The following TRIM71 variants were observed in gnomAD, a reference collection of about 807,000 sequenced individuals.
TRIM71 encodes E3 ubiquitin-protein ligase TRIM71.
TRIM71 carries 9 observed loss-of-function variants against 61.2 expected under a neutral mutation model. That is an observed-to-expected ratio of 0.15 (90% CI 0.09 to 0.26). The LOEUF (loss-of-function observed/expected upper bound fraction) is 0.26. Among genes scored for constraint, TRIM71 ranks in the 10% least tolerant of loss-of-function variants. The probability of loss-of-function intolerance (pLI) is 1.00; values close to 1 mark genes in which losing one functional copy is unlikely to be tolerated. For missense variants in TRIM71, 998 were observed against 1,238.7 expected (o/e 0.81, Z 2.92); for synonymous variants, 645 against 553.2 (o/e 1.17, Z -2.33).
intron 2 of TRIM71, among the ~76,000 whole-genome samples, chr3:32,877,597 G>A (rs976550558): frequency 3.3e-5 from 5 of 151,960 alleles, no homozygotes; most frequent in African/African-American, 9.7e-5. Flanking sequence ...GGCTTCATGC[G>A]ATCTTTCACC....
At chr3:32,841,585 T>A (rs909934557) in intron 1 of TRIM71, among the ~76,000 whole-genome samples, 1 of 152,042 alleles carries the variant, frequency 6.6e-6, no homozygotes, top group Admixed American at 6.6e-5. Flanking sequence ...TTCACTGCAC[T>A]CCAGCGTGGG....
At chr3:32,840,393 A>T (rs1244730154) in intron 1 of TRIM71, among the ~76,000 whole-genome samples, 1 of 152,208 alleles carries the variant, frequency 6.6e-6, no homozygotes, top group Non-Finnish European at 1.5e-5. Context: ...AAGCCAGTAC[A>T]TAACATGAAT....
chr3:32,818,626 C>A lies in TRIM71; in HGVS notation c.546C>A (p.Gly182=). 1 of 1,437,686 alleles carries A rather than the reference C, an allele frequency of 7.0e-7. No individual in the cohort carries two copies. Among genetic ancestry groups the A allele is most frequent in the Non-Finnish European group, 9.1e-7 (1 of 1,103,894 alleles). The allele number at this position is 1,437,686 out of a possible 1,614,324, so 89.1% of individuals were successfully genotyped here. The change falls in exon 1 of 4, where the codon GGC becomes GGA. Residue 182 remains glycine (G), a synonymous_variant. Transcript: ENST00000383763. ...CCGCGCCTTCCCGCTCGGCACCCGG[C>A]GGCCCTGCCGCTTCCCCGTCGGCGC... The part of the protein sequence containing the change: ...QPPAPSRSAP[G]GPAASPSALL...
In TRIM71 at chr3:32,872,246, G is replaced by C. The variant is rs78278754; in HGVS notation, c.853-1572G>C. The stretch of plus-strand genomic sequence containing the variant: ...AAAAACACAATATCCTAAATCTTTC[G>C]TTTTTCCTGTTTCTGAATCGTAAAG... On this transcript the variant is annotated intron_variant, in intron 1 of 3. Coordinates refer to ENST00000383763, the MANE Select transcript of TRIM71 (RefSeq NM_001039111.3). Among the ~76,000 whole-genome samples, 2,433 of 152,164 alleles carry C rather than the reference G, an allele frequency of 0.016. 166 individuals are homozygous for C. In the East Asian group the frequency reaches 0.23, roughly 15 times the overall value.
intron 1 of TRIM71, among the ~76,000 whole-genome samples, chr3:32,858,172 C>T (rs1413557975): frequency 6.6e-6 from 1 of 152,042 alleles, no homozygotes; most frequent in Non-Finnish European, 1.5e-5. Context: ...GTTTCAAACC[C>T]GTGTTGTTCA....
At chr3:32,843,461 T>C (rs1696434580) in intron 1 of TRIM71, among the ~76,000 whole-genome samples, 1 of 152,160 alleles carries the variant, frequency 6.6e-6, no homozygotes, top group Non-Finnish European at 1.5e-5. Context: ...TACTGGGATC[T>C]GTGAAAATGG....
intron 2 of TRIM71, among the ~76,000 whole-genome samples, chr3:32,878,648 T>A (rs779542685): frequency 8.5e-5 from 13 of 152,088 alleles, no homozygotes; most frequent in African/African-American, 1.4e-4. Context: ...ATAAAAATTT[T>A]AAAAATTCCG....
At chr3:32,835,547 T>A (rs1024933940) in intron 1 of TRIM71, among the ~76,000 whole-genome samples, 1 of 152,224 alleles carries the variant, frequency 6.6e-6, no homozygotes, top group Non-Finnish European at 1.5e-5. Flanking sequence ...TTTGGGAAAA[T>A]AACGTTTTGT....
intron 1 of TRIM71, among the ~76,000 whole-genome samples, chr3:32,830,046 C>T (rs577142256): frequency 1.3e-5 from 2 of 151,440 alleles, no homozygotes; most frequent in Non-Finnish European, 2.9e-5. Flanking sequence ...CTCCTGCCTC[C>T]CCGGGTATAT....
intron 1 of TRIM71, among the ~76,000 whole-genome samples, chr3:32,864,130 G>C (rs1696704401): frequency 6.6e-6 from 1 of 152,200 alleles, no homozygotes; most frequent in African/African-American, 2.4e-5. Flanking sequence ...GCAGTGGAAT[G>C]ATCATAACTT....
At chr3:32,867,177 C>T (rs79502049) in intron 1 of TRIM71, among the ~76,000 whole-genome samples, 1 of 151,948 alleles carries the variant, frequency 6.6e-6, no homozygotes, top group African/African-American at 2.4e-5. Flanking sequence ...TACCACCCCC[C>T]TCCCCCTCCT....
At chr3:32,884,654 T>C (rs1278518515) in intron 2 of TRIM71, among the ~76,000 whole-genome samples, 1 of 152,136 alleles carries the variant, frequency 6.6e-6, no homozygotes, top group Non-Finnish European at 1.5e-5. Context: ...GACTCCTTAA[T>C]GGTAATGGCC....
chr3:32,865,318 G>T (rs543054549), intron 1 of TRIM71, among the ~76,000 whole-genome samples: 41 of 152,194 alleles, frequency 2.7e-4, no homozygotes, highest in African/African-American at 8.2e-4. Context: ...GACAGAGCAA[G>T]ATTCCATCTC....
chr3:32,821,721 A>G (rs1345312637), intron 1 of TRIM71, among the ~76,000 whole-genome samples: 2 of 151,956 alleles, frequency 1.3e-5, no homozygotes, highest in African/African-American at 4.8e-5. Context: ...ATCCAAGGCG[A>G]GGAATCCGAG....
intron 1 of TRIM71, among the ~76,000 whole-genome samples, chr3:32,864,097 G>A (rs1696704001): frequency 6.6e-6 from 1 of 151,788 alleles, no homozygotes; most frequent in Non-Finnish European, 1.5e-5. Context: ...TTGAGGCAGG[G>A]TTTCTGTTGC....
chr3:32,891,886 C>T lies in TRIM71; in HGVS notation c.*75C>T, dbSNP rs1211124098. 9.3e-6 allele frequency: 14 copies of T among 1,507,426 alleles called. No individual in the cohort carries two copies. The highest frequency in any genetic ancestry group is 1.2e-5 in the Non-Finnish European group (14 of 1,129,402). 93.4% of individuals were successfully genotyped at this position (1,507,426 alleles called of 1,614,324 possible). On this transcript the variant is annotated 3_prime_UTR_variant, in exon 4 of 4. Coordinates refer to ENST00000383763, the MANE Select transcript of TRIM71 (RefSeq NM_001039111.3). This position sits in a 1 kb window ranked among gnomAD's most constrained non-coding sequence, Gnocchi z 8.2. ...TCTCTCTCTCTCTTTCTCTTTCTCT[C>T]TCTTTTTGAATTTCAAAGAAGAAAC...
At chr3:32,851,934 G>C (rs1046076384) in intron 1 of TRIM71, among the ~76,000 whole-genome samples, 1 of 152,184 alleles carries the variant, frequency 6.6e-6, no homozygotes, top group African/African-American at 2.4e-5. Flanking sequence ...TTATCACTTA[G>C]GCATAGCAAC....
intron 1 of TRIM71, among the ~76,000 whole-genome samples, chr3:32,867,505 T>C (rs935651561): frequency 1.3e-5 from 2 of 151,922 alleles, no homozygotes; most frequent in Non-Finnish European, 2.9e-5. Context: ...TAGGCTGGAG[T>C]GCGGCGGTGC....
chr3:32,877,767 G>A (rs1004729695), intron 2 of TRIM71, among the ~76,000 whole-genome samples: 2 of 152,122 alleles, frequency 1.3e-5, no homozygotes, highest in Non-Finnish European at 2.9e-5. Context: ...AGTTCTCTTT[G>A]TATTTTCACC....
Sources: gnomAD v4.1 joint callset for allele counts (sites outside exome capture counted in the v4.1 genomes callset) on GRCh38, gnomAD v4.1.1 for gene constraint, Gnocchi (gnomAD v3.1) non-coding constraint, MANE v1.5 for transcripts, NCBI Gene and HGNC (gene_info 2026-07-23, HGNC 2026-07-21) for gene names.